The following HOPX variants were observed in gnomAD, a reference collection of about 807,000 sequenced individuals.
The protein encoded by HOPX is HOP homeobox.
Under a neutral mutation model 11.8 loss-of-function variants are expected in HOPX, and 5 were observed. The observed-to-expected ratio is 0.43, with a 90% CI of 0.22 to 0.89. HOPX has a LOEUF of 0.89. Among genes scored for constraint, HOPX ranks in the 40% least tolerant of loss-of-function variants. HOPX has a pLI of 0.28. For missense variants in HOPX, 119 were observed against 120.0 expected (o/e 0.99, Z 0.04); for synonymous variants, 49 against 49.7 (o/e 0.99, Z 0.06).
chr4:56,651,036 G>C (rs1169204286), intron 3 of HOPX: 2 of 424,368 alleles, frequency 4.7e-6, no homozygotes, highest in Admixed American at 8.0e-5. Context: ...TACAGCTGAA[G>C]AAATGGCAGC....
At chr4:56,664,276 G>C (rs897151869) in intron 1 of HOPX, 4 of 151,462 alleles carry the variant, frequency 2.6e-5, no homozygotes, top group Non-Finnish European at 5.9e-5. Context: ...GATTACAGAC[G>C]TGTGCTACCA....
intron 1 of HOPX, among the ~76,000 whole-genome samples, chr4:56,674,844 C>G (rs1031892217): frequency 1.3e-5 from 2 of 150,038 alleles, no homozygotes; most frequent in African/African-American, 5.0e-5. Flanking sequence ...AACTTCTGGG[C>G]TCAAGCAACC....
At chr4:56,658,251 C>T (rs1056906354) in intron 1 of HOPX, among the ~76,000 whole-genome samples, 18 of 152,098 alleles carry the variant, frequency 1.2e-4, no homozygotes, top group Non-Finnish European at 1.8e-4. Flanking sequence ...TATTTAATTC[C>T]TGTTATAACA....
chr4:56,650,044 A>G (rs1209106718), intron 3 of HOPX: 1 of 153,298 alleles, frequency 6.5e-6, no homozygotes, highest in African/African-American at 2.4e-5. Flanking sequence ...GAGAAGGACA[A>G]TATTTGTGTG....
At chr4:56,681,111 G>C in intron 1 of HOPX, 144 bp downstream of exon 1, 1 of 980,310 alleles carries the variant, frequency 1.0e-6, no homozygotes, top group African/African-American at 1.7e-5. Flanking sequence ...CTTCTGCTTG[G>C]GGGTAAGCTT....
chr4:56,666,386 T>C (rs1475629913), intron 1 of HOPX, among the ~76,000 whole-genome samples: 3 of 152,212 alleles, frequency 2.0e-5, no homozygotes, highest in South Asian at 2.1e-4. Context: ...CTGAAACTGT[T>C]GTTGAAACAA....
intron 3 of HOPX, chr4:56,650,061 G>A (rs1412736329): frequency 6.5e-6 from 1 of 153,970 alleles, no homozygotes; most frequent in Non-Finnish European, 1.5e-5. Context: ...TGTGTCACTG[G>A]TGTGTAGGCA....
rs553199602 is a variant in HOPX, at chr4:56,671,538, T to C, written c.-84+9717A>G. ...TGGTACCTTGCAGAGCTCCAAATTA[T>C]GCCAAAGTCCAACCACCCATGCTGC... On this transcript the variant is annotated intron_variant, in intron 1 of 3. Transcript: ENST00000420433. Among the ~76,000 whole-genome samples, 13 of 152,186 alleles carry C rather than the reference T, an allele frequency of 8.5e-5. No individual in the cohort carries two copies. In the East Asian group the frequency reaches 2.5e-3, roughly 29 times the overall value.
chr4:56,681,360 G>A (rs1261812806), upstream of HOPX: 2 of 985,260 alleles, frequency 2.0e-6, no homozygotes, highest in East Asian at 1.1e-4. Flanking sequence ...CTGATAGCAC[G>A]TTTATTTACG....
intron 2 of HOPX, chr4:56,656,343 C>T: frequency 9.5e-7 from 1 of 1,052,062 alleles, no homozygotes; most frequent in Non-Finnish European, 1.1e-6. Flanking sequence ...CCCTCACCGA[C>T]CTCCGGCTCT....
At chr4:56,651,956 G>A (rs1026747619) in intron 3 of HOPX, among the ~76,000 whole-genome samples, 1 of 151,590 alleles carries the variant, frequency 6.6e-6, no homozygotes, top group African/African-American at 2.4e-5. Context: ...AACCTCCCAC[G>A]GGGCTGAGGA....
chr4:56,649,010 T>C (rs1157864685), intron 3 of HOPX: 3 of 419,162 alleles, frequency 7.2e-6, no homozygotes, highest in Non-Finnish European at 1.3e-5. Context: ...CTCTTTATTC[T>C]TTATCTGATG....
At chr4:56,653,528 T>C (rs1717405377) in intron 3 of HOPX, among the ~76,000 whole-genome samples, 1 of 152,098 alleles carries the variant, frequency 6.6e-6, no homozygotes. Flanking sequence ...GCAGACAGCC[T>C]GTGGTTCCTA....
chr4:56,681,342 G>A (rs1719314275), upstream of HOPX: 3 of 985,366 alleles, frequency 3.0e-6, no homozygotes, highest in South Asian at 1.4e-4. Context: ...GCTGGCTGAC[G>A]CAGGCTGCTG....
chr4:56,657,962 A>T (rs1717871392), intron 1 of HOPX, 63 bp from the exon 2 acceptor site: 2 of 1,455,058 alleles, frequency 1.4e-6, no homozygotes, highest in Non-Finnish European at 1.9e-6. Context: ...GCCATTTTGA[A>T]TGGGCATAGA....
chr4:56,672,945 TA>T (rs1228425654), intron 1 of HOPX: 1 of 152,244 alleles, frequency 6.6e-6, no homozygotes, highest in Non-Finnish European at 1.5e-5. Flanking sequence ...GAGAAGCTTG[TA>T]AATGTTTGAA....
At chr4:56,655,351 C>T (rs746291311) in intron 3 of HOPX, among the ~76,000 whole-genome samples, 2 of 152,162 alleles carry the variant, frequency 1.3e-5, no homozygotes, top group Non-Finnish European at 1.5e-5. Flanking sequence ...GCCCTCCCTC[C>T]CGGCCTCAGC....
chr4:56,661,543 T>C (rs1000416581), intron 1 of HOPX, among the ~76,000 whole-genome samples: 1 of 152,230 alleles, frequency 6.6e-6, no homozygotes, highest in East Asian at 1.9e-4. Context: ...ATTTTAAAGT[T>C]GTTGAACAAA....
Position 56,660,862 on chromosome 4 carries a change from G to GT in HOPX, c.-83-2964dup, listed in dbSNP as rs559577768. ...ATTACCAAGACTATGGAAGCTACCT[G>GT]TTTTTTTCCCGGAGTCCCATCCCCT... On this transcript the variant is annotated intron_variant, in intron 1 of 3. Transcript: ENST00000420433. Among the ~76,000 whole-genome samples the GT allele has an allele frequency of 9.4e-4, 143 of 152,216 alleles. 2 individuals are homozygous for GT. In the South Asian group the frequency reaches 0.013, roughly 13 times the overall value.
Sources: gnomAD v4.1 joint callset for allele counts (sites outside exome capture counted in the v4.1 genomes callset) on GRCh38, gnomAD v4.1.1 for gene constraint, MANE v1.5 for transcripts, NCBI Gene and HGNC (gene_info 2026-07-23, HGNC 2026-07-21) for gene names.